PRKCE: variants seen among roughly 807,000 people sequenced by gnomAD.
PRKCE encodes protein kinase C epsilon type.
Under a neutral mutation model 85.4 loss-of-function variants are expected in PRKCE, and 16 were observed. That is an observed-to-expected ratio of 0.19 (90% CI 0.13 to 0.28). PRKCE has a LOEUF of 0.28. Ranked by LOEUF, PRKCE falls within the 10% of genes least tolerant of loss-of-function variation. The pLI, the probability that PRKCE is intolerant of heterozygous loss-of-function variation, is 1.00. For synonymous variants in PRKCE, 388 were observed against 371.5 expected (o/e 1.04, Z -0.51); for missense variants, 573 against 975.2 (o/e 0.59, Z 5.49).
At chr2:45,854,676 C>G (rs543126483) in intron 2 of PRKCE, among the ~76,000 whole-genome samples, 2 of 152,206 alleles carry the variant, frequency 1.3e-5, no homozygotes, top group African/African-American at 4.8e-5. Context: ...TTTCCGAATA[C>G]GGGCGTGAGT....
intron 11 of PRKCE, among the ~76,000 whole-genome samples, chr2:46,120,173 C>G (rs1378204910): frequency 1.3e-5 from 2 of 152,236 alleles, no homozygotes; most frequent in Non-Finnish European, 2.9e-5. Context: ...ACCTCATGTT[C>G]AGACACTCAT....
intron 10 of PRKCE, among the ~76,000 whole-genome samples, chr2:46,085,486 A>G (rs1010762106): frequency 6.6e-6 from 1 of 152,120 alleles, no homozygotes; most frequent in Non-Finnish European, 1.5e-5. Context: ...GGTGCTGGCT[A>G]GGCTGTTCTC....
At chr2:45,769,337 C>T (rs1685140533) in intron 1 of PRKCE, among the ~76,000 whole-genome samples, 1 of 152,086 alleles carries the variant, frequency 6.6e-6, no homozygotes, top group South Asian at 2.1e-4. Context: ...TCTTACACCC[C>T]TTTTGTTAGG....
chr2:46,144,325 C>G (rs1377440054), intron 11 of PRKCE, among the ~76,000 whole-genome samples: 1 of 152,138 alleles, frequency 6.6e-6, no homozygotes, highest in Admixed American at 6.5e-5. Flanking sequence ...ATGCATTGTG[C>G]TCATGCAGGC....
intron 1 of PRKCE, among the ~76,000 whole-genome samples, chr2:45,777,641 C>T (rs943305080): frequency 1.1e-4 from 17 of 152,156 alleles, no homozygotes; most frequent in Admixed American, 4.6e-4. Flanking sequence ...ATTATTATTA[C>T]TTCTTGTTTA....
chr2:45,960,021 A>G (rs937059587), intron 2 of PRKCE, among the ~76,000 whole-genome samples: 9 of 152,236 alleles, frequency 5.9e-5, no homozygotes, highest in Admixed American at 2.0e-4. Context: ...CTATCTGCTA[A>G]TCATTTTTCA....
intron 10 of PRKCE, among the ~76,000 whole-genome samples, chr2:46,044,827 C>G (rs1708420789): frequency 1.3e-5 from 2 of 152,118 alleles, no homozygotes; most frequent in Admixed American, 6.5e-5. Context: ...CACTCTGTGC[C>G]CAGGGGCCCT....
chr2:46,082,567 G>C (rs1195452222), intron 10 of PRKCE, among the ~76,000 whole-genome samples: 1 of 152,162 alleles, frequency 6.6e-6, no homozygotes, highest in African/African-American at 2.4e-5. Context: ...TGAGTCATCT[G>C]CATAGAGGTG....
intron 10 of PRKCE, among the ~76,000 whole-genome samples, chr2:46,085,257 A>T (rs1302857142): frequency 6.6e-6 from 1 of 152,168 alleles, no homozygotes; most frequent in African/African-American, 2.4e-5. Flanking sequence ...GCTGCCTTGC[A>T]GGAGGAAACC....
intron 14 of PRKCE, among the ~76,000 whole-genome samples, chr2:46,180,235 T>G (rs1027866699): frequency 1.3e-5 from 2 of 151,876 alleles, no homozygotes; most frequent in Admixed American, 6.6e-5. Flanking sequence ...ATTGCATGGA[T>G]GTGGGGCAGA....
intron 11 of PRKCE, among the ~76,000 whole-genome samples, chr2:46,129,623 C>G (rs1026176381): frequency 1.3e-5 from 2 of 152,182 alleles, no homozygotes; most frequent in Non-Finnish European, 2.9e-5. Context: ...CAGCCTCTGC[C>G]CTGGAACCTC....
chr2:45,664,791 G>C (rs904037113), intron 1 of PRKCE, among the ~76,000 whole-genome samples: 1 of 152,218 alleles, frequency 6.6e-6, no homozygotes, highest in Non-Finnish European at 1.5e-5. Context: ...TAGCTTGTGG[G>C]CCTAGTGTGG....
intron 1 of PRKCE, among the ~76,000 whole-genome samples, chr2:45,793,081 GA>G (rs753862908): frequency 6.6e-6 from 1 of 152,248 alleles, no homozygotes; most frequent in Non-Finnish European, 1.5e-5. Context: ...TTACAGGCGT[GA>G]GCCACCCTAC....
chr2:45,754,445 C>T (rs533232551), intron 1 of PRKCE, among the ~76,000 whole-genome samples: 1 of 152,250 alleles, frequency 6.6e-6, no homozygotes, highest in African/African-American at 2.4e-5. Flanking sequence ...TTGGGGTATG[C>T]ACTTTATTTA....
At chr2:46,119,794 C>A (rs997219770) in intron 11 of PRKCE, among the ~76,000 whole-genome samples, 1 of 152,224 alleles carries the variant, frequency 6.6e-6, no homozygotes, top group East Asian at 1.9e-4. Context: ...ACACTCCACC[C>A]AGTGTGTTAG....
At chr2:46,174,613 C>T (rs921896927) in intron 14 of PRKCE, among the ~76,000 whole-genome samples, 9 of 152,156 alleles carry the variant, frequency 5.9e-5, no homozygotes, top group African/African-American at 2.2e-4. Context: ...CCAGGCTCCC[C>T]CATGCCACAC....
chr2:45,731,759 G>A (rs1681597532), intron 1 of PRKCE, among the ~76,000 whole-genome samples: 2 of 151,810 alleles, frequency 1.3e-5, no homozygotes, highest in East Asian at 1.9e-4. Context: ...AAGTAGCTGG[G>A]ACCATGGGTG....
rs115841026 is a variant in PRKCE, at chr2:45,680,680, T to C, written c.348+28232T>C. Among the ~76,000 whole-genome samples, 1,490 of 152,326 alleles carry C rather than the reference T, an allele frequency of 9.8e-3. 21 individuals are homozygous for C. Among genetic ancestry groups the C allele is most frequent in the African/African-American group, 0.034 (1,402 of 41,570 alleles). Reference sequence around the variant, plus strand: ...AGATGTCTTGCTGTTAAATGGTCTTTAAGAGAGCAGAAAAGCCTTTTTAAC... The same window carrying C: ...AGATGTCTTGCTGTTAAATGGTCTTCAAGAGAGCAGAAAAGCCTTTTTAAC... On this transcript the variant is annotated intron_variant, in intron 1 of 14. Coordinates refer to ENST00000306156, the MANE Select transcript of PRKCE (RefSeq NM_005400.3).
intron 2 of PRKCE, among the ~76,000 whole-genome samples, chr2:45,885,398 CCTT>C (rs1250553696): frequency 2.0e-5 from 3 of 152,126 alleles, no homozygotes; most frequent in Non-Finnish European, 4.4e-5. Flanking sequence ...CTTTCAGAGA[CCTT>C]CTGCCTGGGA....
Sources: gnomAD v4.1 joint callset for allele counts (sites outside exome capture counted in the v4.1 genomes callset) on GRCh38, gnomAD v4.1.1 for gene constraint, MANE v1.5 for transcripts, NCBI Gene and HGNC (gene_info 2026-07-23, HGNC 2026-07-21) for gene names.